FHOD3: variants seen among roughly 807,000 people sequenced by gnomAD.
FHOD3 encodes the protein formin homology 2 domain containing 3.
FHOD3 carries 90 observed loss-of-function variants against 173.0 expected under a neutral mutation model. The ratio of observed to expected loss-of-function variants is 0.52; its 90% CI spans 0.44 to 0.62. The LOEUF (loss-of-function observed/expected upper bound fraction) is 0.62, where lower values mean the gene tolerates loss of function less well. Among genes scored for constraint, FHOD3 ranks in the 20% least tolerant of loss-of-function variants. The pLI, the probability that FHOD3 is intolerant of heterozygous loss-of-function variation, is 0.00. For missense variants in FHOD3, 1,945 were observed against 2,034.7 expected, an observed-to-expected ratio of 0.96 and a Z score of 0.85; for synonymous variants, 828 against 823.0, an observed-to-expected ratio of 1.01 and a Z score of -0.10.
At chr18:36,750,159 G>A (rs1402320735) in intron 24 of FHOD3, among the ~76,000 whole-genome samples, 1 of 152,032 alleles carries the variant, frequency 6.6e-6, no homozygotes, top group African/African-American at 2.4e-5. Flanking sequence ...CATGGTGGTG[G>A]GCACCTGTAG....
rs529225010 is a variant in FHOD3, at chr18:36,433,202, T to C, written c.337+60458T>C. 1.1e-4 allele frequency among the ~76,000 whole-genome samples: 17 copies of C among 152,336 alleles called. No homozygotes were observed. The South Asian group carries it at 3.3e-3, about 30-fold the overall frequency. On this transcript the variant is annotated intron_variant, in intron 3 of 28. Coordinates refer to ENST00000590592, the MANE Select transcript of FHOD3 (RefSeq NM_001281740.3). The stretch of plus-strand genomic sequence containing the variant: ...TAGTTTAACCTAGTCACAATGATGA[T>C]ATCTCATCACATTCACGAGTCTAAC...
At chr18:36,520,653 G>C (rs954399629) in intron 5 of FHOD3, among the ~76,000 whole-genome samples, 1 of 152,160 alleles carries the variant, frequency 6.6e-6, no homozygotes, top group African/African-American at 2.4e-5. Context: ...TCATGCCTCC[G>C]AGTGCTTCAG....
intron 10 of FHOD3, 97 bp from the exon 11 acceptor site, chr18:36,649,219 G>T: frequency 1.0e-5 from 7 of 687,280 alleles, no homozygotes; most frequent in Admixed American, 2.9e-5. Flanking sequence ...TGTTGTTGTT[G>T]TTGTTGTTTT....
At chr18:36,704,841 C>T (rs1568636711) in intron 17 of FHOD3, among the ~76,000 whole-genome samples, 1 of 152,220 alleles carries the variant, frequency 6.6e-6, no homozygotes, top group Admixed American at 6.5e-5. Context: ...GGTGTGAACA[C>T]GGTTCCTCCC....
At chr18:36,573,070 G>A (rs577134087) in intron 5 of FHOD3, among the ~76,000 whole-genome samples, 13 of 151,532 alleles carry the variant, frequency 8.6e-5, no homozygotes, top group Admixed American at 2.0e-4. Flanking sequence ...GGGTGGTGGT[G>A]GTAAGAAAGG....
intron 13 of FHOD3, among the ~76,000 whole-genome samples, chr18:36,657,796 C>A (rs530166626): frequency 6.6e-6 from 1 of 152,222 alleles, no homozygotes; most frequent in South Asian, 2.1e-4. Flanking sequence ...ATAATTTTAA[C>A]GTACATTTTA....
intron 6 of FHOD3, among the ~76,000 whole-genome samples, chr18:36,587,246 G>A (rs1194932840): frequency 2.6e-5 from 4 of 152,158 alleles, no homozygotes; most frequent in Admixed American, 6.5e-5. Flanking sequence ...AACTGTCAGG[G>A]TGCTGGTGGA....
rs1382411439 is a variant in FHOD3, at chr18:36,652,806, T to C, written c.1523T>C (p.Val508Ala). 3.3e-6 allele frequency: 5 copies of C among 1,535,952 alleles called. No individual in the cohort carries two copies. The highest frequency in any genetic ancestry group is 2.4e-5 in the East Asian group (1 of 40,890). Residue 508 changes from valine to alanine, a missense_variant, in exon 12 of 29, where the codon GTG (valine) becomes GCG (alanine). By Grantham distance (64) the Val-to-Ala change is moderately conservative. Transcript: ENST00000590592. ...PSSATPGSLK[V>A]SPTIDKLPYV... is the part of the protein sequence containing the mutation. Reference sequence around the variant, plus strand: ...TCCGCCACACCAGGCTCCCTGAAGGTGTCACCGACCATAGACAAGCTGCCC... The same window carrying C: ...TCCGCCACACCAGGCTCCCTGAAGGCGTCACCGACCATAGACAAGCTGCCC...
intron 5 of FHOD3, among the ~76,000 whole-genome samples, chr18:36,563,897 C>A (rs1011539459): frequency 2.0e-5 from 3 of 152,248 alleles, no homozygotes; most frequent in Middle Eastern, 3.4e-3. Context: ...TTATGAGCTC[C>A]ATTCCACTCT....
intron 1 of FHOD3, among the ~76,000 whole-genome samples, chr18:36,300,565 C>T (rs1416938998): frequency 1.3e-5 from 2 of 152,084 alleles, no homozygotes; most frequent in African/African-American, 2.4e-5. Flanking sequence ...GGCCACAGGG[C>T]GTGCTTCTTC....
At chr18:36,494,844 C>CT (rs1013168521) in intron 3 of FHOD3, among the ~76,000 whole-genome samples, 36 of 151,788 alleles carry the variant, frequency 2.4e-4, no homozygotes, top group Non-Finnish European at 4.4e-4. Flanking sequence ...TACTGTTATA[C>CT]TTTTTTTTTG....
At chr18:36,663,309 G>T (rs1012722540) in intron 14 of FHOD3, among the ~76,000 whole-genome samples, 2 of 152,204 alleles carry the variant, frequency 1.3e-5, no homozygotes, top group African/African-American at 4.8e-5. Context: ...ATACTAACAG[G>T]AAGGGAGGTT....
At chr18:36,449,584 G>GAATAACT (rs1333248420) in intron 3 of FHOD3, among the ~76,000 whole-genome samples, 1 of 152,160 alleles carries the variant, frequency 6.6e-6, no homozygotes, top group African/African-American at 2.4e-5. Flanking sequence ...TTATTCCACA[G>GAATAACT]AGTTTTACTC....
chr18:36,402,481 AG>A (rs1163284650), intron 3 of FHOD3, among the ~76,000 whole-genome samples: 1 of 151,352 alleles, frequency 6.6e-6, no homozygotes, highest in Non-Finnish European at 1.5e-5. Flanking sequence ...GTATATTTTT[AG>A]TGATATATAA....
intron 5 of FHOD3, among the ~76,000 whole-genome samples, chr18:36,574,362 G>A (rs991160404): frequency 2.6e-5 from 4 of 152,096 alleles, no homozygotes; most frequent in Non-Finnish European, 4.4e-5. Flanking sequence ...TATAGTGAGA[G>A]TGAAAAATTT....
chr18:36,333,320 T>G (rs912407032), intron 1 of FHOD3, among the ~76,000 whole-genome samples: 2 of 152,212 alleles, frequency 1.3e-5, no homozygotes, highest in African/African-American at 4.8e-5. Flanking sequence ...TACCTTTGTC[T>G]TGGAACACTT....
chr18:36,430,813 C>T (rs1026467773), intron 3 of FHOD3, among the ~76,000 whole-genome samples: 5 of 152,134 alleles, frequency 3.3e-5, no homozygotes, highest in East Asian at 1.9e-4. Context: ...TAGACGTTAG[C>T]GTGAGTTAGA....
intron 2 of FHOD3, among the ~76,000 whole-genome samples, chr18:36,365,384 T>TG (rs2145940082): frequency 6.6e-6 from 1 of 152,338 alleles, no homozygotes; most frequent in African/African-American, 2.4e-5. Context: ...TCTGATGACC[T>TG]GGAAGACAGG....
intron 5 of FHOD3, among the ~76,000 whole-genome samples, chr18:36,535,788 A>T (rs2056971392): frequency 6.6e-6 from 1 of 152,106 alleles, no homozygotes; most frequent in African/African-American, 2.4e-5. Flanking sequence ...TTTTTTTGCC[A>T]GTTTATTTAT....
Sources: allele counts gnomAD v4.1 joint callset (sites outside exome capture counted in the v4.1 genomes callset), GRCh38; gene constraint gnomAD v4.1.1; transcripts MANE v1.5; gene names NCBI Gene and HGNC (gene_info 2026-07-23, HGNC 2026-07-21).